RNF19A: variants seen among roughly 807,000 people sequenced by gnomAD.
RNF19A encodes the protein E3 ubiquitin-protein ligase RNF19A.
RNF19A carries 32 observed loss-of-function variants against 75.7 expected under a neutral mutation model. The observed-to-expected ratio is 0.42, with a 90% CI of 0.32 to 0.57. The LOEUF (loss-of-function observed/expected upper bound fraction) is 0.57. RNF19A is among the 20% of genes least tolerant of loss of function. RNF19A has a pLI of 0.10. For missense variants in RNF19A, 782 were observed against 1,036.3 expected, an observed-to-expected ratio of 0.75 and a Z score of 3.37; for synonymous variants, 335 against 345.2, an observed-to-expected ratio of 0.97 and a Z score of 0.33.
chr8:100,288,982 C>T (rs1054306466), intron 1 of RNF19A, among the ~76,000 whole-genome samples: 6 of 151,400 alleles, frequency 4.0e-5, no homozygotes, highest in Admixed American at 3.9e-4. Context: ...ATGGCGTGAA[C>T]CCGGGAAGTG....
intron 1 of RNF19A, among the ~76,000 whole-genome samples, chr8:100,302,549 G>A (rs1452186941): frequency 3.9e-5 from 6 of 152,146 alleles, no homozygotes; most frequent in Non-Finnish European, 8.8e-5. Context: ...CCAGAGATTA[G>A]GAAAAAAGTA....
rs1822482334 is a variant in RNF19A at position 100,323,006 on chromosome 8, G to A, written c.-242-9634C>T. 6.6e-6 allele frequency among the ~76,000 whole-genome samples: 1 copy of A among 152,016 alleles called. No individual in the cohort carries two copies. ...AATATTGTGAGAACTACCAAAATAC[G>A]ACACAGAGGCATGAAATGAGCACAG... On this transcript the variant is annotated intron_variant, in intron 1 of 3. Transcript: ENST00000519527. This position sits in a 1 kb window ranked among gnomAD's most constrained non-coding sequence, Gnocchi z 4.6.
chr8:100,334,312 T>C (rs979365859), intron 1 of RNF19A, among the ~76,000 whole-genome samples: 1 of 152,222 alleles, frequency 6.6e-6, no homozygotes, highest in African/African-American at 2.4e-5. Flanking sequence ...TTAATCATTA[T>C]CTTCTTTTCA....
intron 1 of RNF19A, among the ~76,000 whole-genome samples, chr8:100,315,100 A>C (rs1490540366): frequency 6.6e-6 from 1 of 152,104 alleles, no homozygotes; most frequent in Admixed American, 6.5e-5. Flanking sequence ...ATTTGGGCCT[A>C]GGCAACATGA....
chr8:100,257,468 T>C lies in RNF19A; in HGVS notation c.*1088A>G, dbSNP rs549582578. 1 of 152,808 alleles carries C rather than the reference T, an allele frequency of 6.5e-6. No homozygotes were observed. Among genetic ancestry groups the C allele is most frequent in the East Asian group, 1.9e-4 (1 of 5,194 alleles). The allele number at this position is 152,808 out of a possible 1,614,324, so 9.5% of individuals were successfully genotyped here. A position where few individuals can be genotyped will look rare whatever the true frequency, so the allele number is the denominator to read the frequency against. ...AAACAAAAGCAAAAGAAAATAATGCTAATCATACATGGACCTTTTGTACTT... is the reference window on the plus strand; with the variant it reads ...AAACAAAAGCAAAAGAAAATAATGCCAATCATACATGGACCTTTTGTACTT... On this transcript the variant is annotated 3_prime_UTR_variant, in exon 10 of 10. Coordinates refer to ENST00000341084, the MANE Select transcript of RNF19A (RefSeq NM_183419.4).
At position 100,330,014 on chromosome 8, in the gene RNF19A, G is replaced by A. The variant is rs1297630206; in HGVS notation, c.-243+6094C>T. ...AGGGATCCTAATTTGTTTTTTTGTG[G>A]GGGAGGCAGTGGGAGGAGGCTTATA... On this transcript the variant is annotated intron_variant, in intron 1 of 3. Transcript: ENST00000519527. This position sits in a 1 kb window ranked among gnomAD's most constrained non-coding sequence, Gnocchi z 4.1. Among the ~76,000 whole-genome samples, 1 of 152,002 alleles carries A rather than the reference G, an allele frequency of 6.6e-6. No individual in the cohort carries two copies. The highest frequency in any genetic ancestry group is 2.4e-5 in the African/African-American group (1 of 41,372).
intron 5 of RNF19A, 81 bp downstream of exon 5, chr8:100,268,704 A>C (rs951782924): frequency 3.4e-5 from 25 of 727,014 alleles, no homozygotes; most frequent in Admixed American, 8.3e-5. Context: ...AAAAAAAAAA[A>C]CCCAAAAATC....
rs1403782782 is a variant in RNF19A, at chr8:100,264,276, A to G, written c.1307-81T>C. The G allele has an allele frequency of 8.7e-6, 11 of 1,258,470 alleles. No homozygotes were observed. The highest frequency in any genetic ancestry group is 2.9e-5 in the South Asian group (2 of 69,020). The allele number at this position is 1,258,470 out of a possible 1,614,324, so 78.0% of individuals were successfully genotyped here. On this transcript the variant is annotated intron_variant, in intron 6 of 9. Coordinates refer to ENST00000341084, the MANE Select transcript of RNF19A (RefSeq NM_183419.4). The surrounding 1 kb of genome is among the most constrained non-coding windows in gnomAD (Gnocchi z 4.7). The stretch of plus-strand genomic sequence containing the variant: ...AACATGAGTTTTAGAAAGTCTTTTC[A>G]AGAGAGTCATACAGAGAAAAGCGCC...
At chr8:100,283,703 A>G (rs1467342692) in intron 2 of RNF19A, among the ~76,000 whole-genome samples, 1 of 152,234 alleles carries the variant, frequency 6.6e-6, no homozygotes, top group Non-Finnish European at 1.5e-5. Flanking sequence ...AGTAAAATTA[A>G]TGTCAGATAC....
Position 100,309,459 on chromosome 8 carries a change from C to A in RNF19A, c.-94+408G>T. Reference sequence around the variant, plus strand: ...GCCCCCGCCGCCTCCCCGCGGCAACCGCCCTTGGGTCTCCCCCGCTTTAGG... The same window carrying A: ...GCCCCCGCCGCCTCCCCGCGGCAACAGCCCTTGGGTCTCCCCCGCTTTAGG... On this transcript the variant is annotated intron_variant, in intron 1 of 9. Transcript: ENST00000341084. 3 of 985,502 alleles carry A rather than the reference C, an allele frequency of 3.0e-6. No homozygotes were observed. The South Asian group carries it at 1.4e-4, about 46-fold the overall frequency. The allele number at this position is 985,502 out of a possible 1,614,324, so 61.0% of individuals were successfully genotyped here.
rs1421513092 is a variant in RNF19A at position 100,259,442 on chromosome 8, G to A, written c.1827-196C>T. Among the ~76,000 whole-genome samples, 3 of 152,148 alleles carry A rather than the reference G, an allele frequency of 2.0e-5. No homozygotes were observed. Among genetic ancestry groups the A allele is most frequent in the Non-Finnish European group, 4.4e-5 (3 of 68,028 alleles). On this transcript the variant is annotated intron_variant, in intron 9 of 9. Coordinates refer to ENST00000341084, the MANE Select transcript of RNF19A (RefSeq NM_183419.4). The surrounding 1 kb of genome is among the most constrained non-coding windows in gnomAD (Gnocchi z 4.5). ...TAATGCTTCAATGTTTTAAAATAGT[G>A]GTGGACACATTTATTGCTTATGCTG... is the stretch of plus-strand genomic sequence containing the variant.
In RNF19A at chr8:100,317,037, C is replaced by G. The variant is rs6989921; in HGVS notation, c.-242-3665G>C. Among the ~76,000 whole-genome samples, 992 of 151,974 alleles carry G rather than the reference C, an allele frequency of 6.5e-3. 8 individuals carry two copies. Among genetic ancestry groups the G allele is most frequent in the African/African-American group, 0.022 (931 of 41,514 alleles). On this transcript the variant is annotated intron_variant, in intron 1 of 3. Coordinates refer to the RNF19A transcript ENST00000519527. This position sits in a 1 kb window ranked among gnomAD's most constrained non-coding sequence, Gnocchi z 4.3. ...CCCGGGTGCTAAGTCCCTCATTGCC[C>G]GGGACCAGCAGCGCTGCCCGGCTAC... is the stretch of plus-strand genomic sequence containing the variant.
upstream of RNF19A, chr8:100,310,279 C>T (rs1822254363): frequency 1.0e-6 from 1 of 978,668 alleles, no homozygotes; most frequent in Non-Finnish European, 1.2e-6. Context: ...GTTCCGCGCC[C>T]GCGCAGGAGC....
chr8:100,277,169 G>A (rs1393288092), intron 2 of RNF19A, among the ~76,000 whole-genome samples: 1 of 152,170 alleles, frequency 6.6e-6, no homozygotes, highest in African/African-American at 2.4e-5. Flanking sequence ...TGGAAATTTA[G>A]GGGAGTTTTC....
Position 100,322,563 on chromosome 8 carries a change from A to G in RNF19A, c.-242-9191T>C, listed in dbSNP as rs1295482064. ...AGTTCACTGGAGTAGCAATTTTAAC[A>G]TCCTTCAAGAACTTTTCCTTTGCAT... On this transcript the variant is annotated intron_variant, in intron 1 of 3. Transcript: ENST00000519527. The surrounding 1 kb of genome is among the most constrained non-coding windows in gnomAD (Gnocchi z 5.1). Among the ~76,000 whole-genome samples, 1 of 152,240 alleles carries G rather than the reference A, an allele frequency of 6.6e-6. No individual in the cohort carries two copies. Among genetic ancestry groups the G allele is most frequent in the African/African-American group, 2.4e-5 (1 of 41,468 alleles).
In RNF19A at chr8:100,309,386, G is replaced by A. The variant is rs1357825211; in HGVS notation, c.-94+481C>T. The A allele has an allele frequency of 2.1e-5, 21 of 985,698 alleles. No homozygotes were observed. The Admixed American group carries it at 8.0e-4, about 37-fold the overall frequency. 61.1% of individuals were successfully genotyped at this position (985,698 alleles called of 1,614,324 possible). A position where few individuals can be genotyped will look rare whatever the true frequency, so the allele number is the denominator to read the frequency against. ...CGGCTCCAAATTTGCAGCGAGGCCCGGAAATCGGTCCCGTTAGAGCCGATT... is the reference window on the plus strand; with the variant it reads ...CGGCTCCAAATTTGCAGCGAGGCCCAGAAATCGGTCCCGTTAGAGCCGATT... On this transcript the variant is annotated intron_variant, in intron 1 of 9. Transcript: ENST00000341084.
upstream of RNF19A, among the ~76,000 whole-genome samples, chr8:100,313,688 T>C (rs1822333729): frequency 6.6e-6 from 1 of 152,162 alleles, no homozygotes; most frequent in Non-Finnish European, 1.5e-5. Context: ...GGCTGTTCTG[T>C]GGATCAGATT....
Position 100,323,842 on chromosome 8 carries a change from A to T in RNF19A, c.-242-10470T>A, listed in dbSNP as rs1346391479. Among the ~76,000 whole-genome samples the T allele has an allele frequency of 2.0e-5, 3 of 152,212 alleles. No individual in the cohort carries two copies. The East Asian group carries it at 5.8e-4, about 29-fold the overall frequency. On this transcript the variant is annotated intron_variant, in intron 1 of 3. Coordinates refer to the RNF19A transcript ENST00000519527. The surrounding 1 kb of genome is among the most constrained non-coding windows in gnomAD (Gnocchi z 4.6). ...TACTTGGGAGTTTTCAATAAACATCACAAGTTGTTTGTAAAATGACTGTGC... is the reference window on the plus strand; with the variant it reads ...TACTTGGGAGTTTTCAATAAACATCTCAAGTTGTTTGTAAAATGACTGTGC...
At chr8:100,310,031 G>T (rs1465447754), upstream of RNF19A, 12 of 985,382 alleles carry the variant, frequency 1.2e-5, no homozygotes, top group Non-Finnish European at 1.3e-5. Context: ...CCCGACGGCC[G>T]CTTTCCCGAA....
Sources: allele counts gnomAD v4.1 joint callset (sites outside exome capture counted in the v4.1 genomes callset), GRCh38; gene constraint gnomAD v4.1.1; non-coding constraint Gnocchi (gnomAD v3.1); transcripts MANE v1.5; gene names NCBI Gene and HGNC (gene_info 2026-07-23, HGNC 2026-07-21).